ZFPM2: variants seen among roughly 807,000 people sequenced by gnomAD.
ZFPM2 encodes the protein zinc finger protein ZFPM2.
A neutral mutation model predicts 98.6 loss-of-function variants in ZFPM2; 20 were observed. That is an observed-to-expected ratio of 0.20 (90% CI 0.14 to 0.29). The LOEUF (loss-of-function observed/expected upper bound fraction) is 0.29. Among genes scored for constraint, ZFPM2 ranks in the 10% least tolerant of loss-of-function variants. The pLI is 1.00. For synonymous variants in ZFPM2, 518 were observed against 502.7 expected (o/e 1.03, Z -0.41); for missense variants, 1,310 against 1,388.6 (o/e 0.94, Z 0.90).
At chr8:105,628,347 G>A (rs1816696577) in intron 4 of ZFPM2, among the ~76,000 whole-genome samples, 1 of 152,168 alleles carries the variant, frequency 6.6e-6, no homozygotes, top group East Asian at 1.9e-4. Context: ...TCACCATTGT[G>A]TATTTGCTTG....
At chr8:105,366,578 T>C (rs1324490017) in intron 1 of ZFPM2, among the ~76,000 whole-genome samples, 1 of 151,942 alleles carries the variant, frequency 6.6e-6, no homozygotes, top group Non-Finnish European at 1.5e-5. Context: ...TGCAGGTTAG[T>C]TACATATGTA....
chr8:105,574,037 T>C (rs1815411021), intron 4 of ZFPM2, among the ~76,000 whole-genome samples: 1 of 152,226 alleles, frequency 6.6e-6, no homozygotes, highest in Non-Finnish European at 1.5e-5. Flanking sequence ...GGATTCCTTT[T>C]ATTATGCCTG....
intron 5 of ZFPM2, chr8:105,787,183 T>A (rs937844417): frequency 7.2e-5 from 11 of 152,204 alleles, no homozygotes; most frequent in African/African-American, 2.7e-4. Flanking sequence ...ACTCACACTT[T>A]CATCGCTCCT....
chr8:105,410,856 A>T (rs1480468275), intron 1 of ZFPM2, among the ~76,000 whole-genome samples: 1 of 151,826 alleles, frequency 6.6e-6, no homozygotes, highest in Non-Finnish European at 1.5e-5. Context: ...CTTTTAAAAA[A>T]ATCTAACGTC....
intron 3 of ZFPM2, among the ~76,000 whole-genome samples, chr8:105,488,031 T>TATATA (rs1293106559): frequency 2.6e-5 from 4 of 151,994 alleles, no homozygotes; most frequent in Admixed American, 6.6e-5. Flanking sequence ...CCCATGTACC[T>TATATA]CTGCCCCAAC....
At chr8:105,539,229 T>C (rs1192032482) in intron 3 of ZFPM2, among the ~76,000 whole-genome samples, 1 of 152,194 alleles carries the variant, frequency 6.6e-6, no homozygotes, top group Non-Finnish European at 1.5e-5. Context: ...ATGTCTGTAT[T>C]CTGTACTATG....
At chr8:105,787,934 G>A (rs532084526) in intron 5 of ZFPM2, among the ~76,000 whole-genome samples, 2 of 152,232 alleles carry the variant, frequency 1.3e-5, no homozygotes, top group South Asian at 4.1e-4. Flanking sequence ...TCTTTTTAAT[G>A]CACAACATGT....
intron 3 of ZFPM2, among the ~76,000 whole-genome samples, chr8:105,455,019 A>T (rs1413052992): frequency 6.6e-6 from 1 of 152,196 alleles, no homozygotes; most frequent in Non-Finnish European, 1.5e-5. Context: ...GGGATTTGGT[A>T]CAAGTTGAGC....
intron 1 of ZFPM2, among the ~76,000 whole-genome samples, chr8:105,336,259 G>C (rs1009584441): frequency 6.6e-6 from 1 of 151,610 alleles, no homozygotes; most frequent in African/African-American, 2.4e-5. Context: ...GGTTATTAAG[G>C]AGAGCTTATA....
chr8:105,602,952 A>C (rs1816122656), intron 4 of ZFPM2, among the ~76,000 whole-genome samples: 1 of 152,110 alleles, frequency 6.6e-6, no homozygotes, highest in Non-Finnish European at 1.5e-5. Flanking sequence ...TGAAAAGCTT[A>C]TTGATAAATT....
chr8:105,326,849 T>A (rs943858713), intron 1 of ZFPM2, among the ~76,000 whole-genome samples: 12 of 150,224 alleles, frequency 8.0e-5, no homozygotes, highest in African/African-American at 2.9e-4. Context: ...CTCATAAATA[T>A]ATATATATAT....
In ZFPM2 at chr8:105,790,526, G is replaced by A. The variant is rs528310699; in HGVS notation, c.739+1602G>A. 1.3e-3 allele frequency among the ~76,000 whole-genome samples: 201 copies of A among 151,872 alleles called. 1 individual carries two copies. Among genetic ancestry groups the A allele is most frequent in the African/African-American group, 4.3e-3 (179 of 41,484 alleles). On this transcript the variant is annotated intron_variant, in intron 6 of 7. Transcript: ENST00000407775. ...GTAGTATAGTTTGAAGTCAGGTAGC[G>A]TGATGCCTCCAGCTTTGTTCTTTTG... is the stretch of plus-strand genomic sequence containing the variant.
intron 5 of ZFPM2, among the ~76,000 whole-genome samples, chr8:105,770,212 G>A (rs1347468447): frequency 6.6e-6 from 1 of 151,938 alleles, no homozygotes; most frequent in Non-Finnish European, 1.5e-5. Context: ...TATCCTAGGT[G>A]TCAGTAACAG....
In ZFPM2 at chr8:105,370,357, A is replaced by G. The variant is rs77827054; in HGVS notation, c.41-48787A>G. On this transcript the variant is annotated intron_variant, in intron 1 of 7. Coordinates refer to ENST00000407775, the MANE Select transcript of ZFPM2 (RefSeq NM_012082.4). ...AGTTCAGAATAAGAACTAATTTTCT[A>G]GTAATTCTTACCTTTCCCAAATTGT... 6.1e-3 allele frequency among the ~76,000 whole-genome samples: 926 copies of G among 152,354 alleles called. 10 individuals carry two copies. Among genetic ancestry groups the G allele is most frequent in the African/African-American group, 0.022 (898 of 41,586 alleles).
intron 1 of ZFPM2, among the ~76,000 whole-genome samples, chr8:105,382,555 G>A (rs2129885065): frequency 6.6e-6 from 1 of 151,998 alleles, no homozygotes; most frequent in South Asian, 2.1e-4. Context: ...CAACACAGTG[G>A]TATAAGCGTT....
At chr8:105,405,478 G>T (rs1432706478) in intron 1 of ZFPM2, among the ~76,000 whole-genome samples, 1 of 137,030 alleles carries the variant, frequency 7.3e-6, no homozygotes, top group African/African-American at 2.8e-5. Context: ...CCCTTCCTGT[G>T]TCCATGTGGT....
chr8:105,691,231 CTTTTTT>C lies in ZFPM2; in HGVS notation c.532+56897_532+56902del, dbSNP rs869164122. ...CTCAAGCGCCCTGTTCCCAAAGAGA[CTTTTTT>C]TTTTTTTTTTTTTTTTTTTTTTGAG... On this transcript the variant is annotated intron_variant, in intron 5 of 7. Coordinates refer to ENST00000407775, the MANE Select transcript of ZFPM2 (RefSeq NM_012082.4). Among the ~76,000 whole-genome samples the C allele has an allele frequency of 1.0e-3, 71 of 67,946 alleles. 1 individual carries two copies. The highest frequency in any genetic ancestry group is 1.9e-3 in the South Asian group (3 of 1,578). 44.6% of individuals were successfully genotyped at this position (67,946 alleles called of 152,430 possible).
chr8:105,544,107 A>C (rs947376597), intron 3 of ZFPM2, among the ~76,000 whole-genome samples: 1 of 152,190 alleles, frequency 6.6e-6, no homozygotes, highest in African/African-American at 2.4e-5. Context: ...AGGAGCCTTT[A>C]GTTTTCTCAA....
chr8:105,328,907 T>C (rs1812163165), intron 1 of ZFPM2, among the ~76,000 whole-genome samples: 1 of 151,826 alleles, frequency 6.6e-6, no homozygotes, highest in Non-Finnish European at 1.5e-5. Flanking sequence ...AGACTCAGTG[T>C]ACAGGGGAGA....
Sources: gnomAD v4.1 joint callset for allele counts (sites outside exome capture counted in the v4.1 genomes callset) on GRCh38, gnomAD v4.1.1 for gene constraint, MANE v1.5 for transcripts, NCBI Gene and HGNC (gene_info 2026-07-23, HGNC 2026-07-21) for gene names.